Variants in DOK6 observed in about 807,000 individuals in gnomAD.
DOK6 encodes the protein downstream of tyrosine kinase 6.
In DOK6, 22 loss-of-function variants were observed where a neutral mutation model predicts 44.0. That is an observed-to-expected ratio of 0.50 (90% CI 0.36 to 0.71). DOK6 has a LOEUF of 0.71. Among genes scored for constraint, DOK6 ranks in the 30% least tolerant of loss-of-function variants. The pLI is 0.00. For missense variants in DOK6, 340 were observed against 416.4 expected (o/e 0.82, Z 1.60); for synonymous variants, 166 against 145.5 (o/e 1.14, Z -1.01).
chr18:69,769,861 T>C (rs1661496973), intron 7 of DOK6, among the ~76,000 whole-genome samples: 1 of 152,138 alleles, frequency 6.6e-6, no homozygotes, highest in Admixed American at 6.6e-5. Flanking sequence ...AGCCATTCAA[T>C]GTTCATTTAA....
At chr18:69,492,177 A>G (rs920579035) in intron 1 of DOK6, among the ~76,000 whole-genome samples, 1 of 152,182 alleles carries the variant, frequency 6.6e-6, no homozygotes, top group African/African-American at 2.4e-5. Context: ...ACTTATTGAA[A>G]ATATACGATA....
intron 7 of DOK6, among the ~76,000 whole-genome samples, chr18:69,780,160 C>T (rs997607326): frequency 2.0e-5 from 3 of 152,076 alleles, no homozygotes; most frequent in African/African-American, 7.2e-5. Context: ...AAGATAATTT[C>T]GGATTTTTCT....
In DOK6 at chr18:69,518,954, G is replaced by A. The variant is rs550898827; in HGVS notation, c.67-45533G>A. 1.7e-4 allele frequency among the ~76,000 whole-genome samples: 26 copies of A among 152,164 alleles called. No homozygotes were observed. The South Asian group carries it at 3.7e-3, about 22-fold the overall frequency. On this transcript the variant is annotated intron_variant, in intron 1 of 7. Transcript: ENST00000382713. The stretch of plus-strand genomic sequence containing the variant: ...TACATAAAGTTATTTTCTACTGGTA[G>A]CATCTTCCTTAGTCACTCTGTATTT...
chr18:69,639,189 G>A (rs1015224009), intron 3 of DOK6, among the ~76,000 whole-genome samples: 28 of 152,152 alleles, frequency 1.8e-4, no homozygotes, highest in South Asian at 2.1e-4. Context: ...AGTGTCCATC[G>A]CTCCAGTGAT....
intron 1 of DOK6, among the ~76,000 whole-genome samples, chr18:69,547,246 G>A (rs564887328): frequency 1.7e-4 from 25 of 151,266 alleles, no homozygotes; most frequent in African/African-American, 4.4e-4. Context: ...GATTACAGAC[G>A]CGCACCACCA....
intron 3 of DOK6, among the ~76,000 whole-genome samples, chr18:69,606,762 T>G (rs1984006681): frequency 6.8e-6 from 1 of 146,442 alleles, no homozygotes; most frequent in Admixed American, 6.9e-5. Context: ...AAAGGATTTT[T>G]TTTTTTTTTT....
intron 1 of DOK6, among the ~76,000 whole-genome samples, chr18:69,498,222 T>C (rs911692945): frequency 2.0e-5 from 3 of 152,068 alleles, no homozygotes; most frequent in African/African-American, 7.2e-5. Context: ...TTCCAATTAA[T>C]GAAATAAAAT....
intron 3 of DOK6, among the ~76,000 whole-genome samples, chr18:69,651,788 C>T (rs1241902053): frequency 6.6e-6 from 1 of 151,934 alleles, no homozygotes; most frequent in East Asian, 1.9e-4. Context: ...CGCCCAGCCC[C>T]ATCAGCCCCC....
chr18:69,789,323 T>C lies in DOK6; in HGVS notation c.856+31450T>C, dbSNP rs1048764545. ...ACTAAATACCTTTTATAGGACCTTT[T>C]ACTCTTATTTCATTCAGTTTGTTCT... On this transcript the variant is annotated intron_variant, in intron 7 of 7. Coordinates refer to ENST00000382713, the MANE Select transcript of DOK6 (RefSeq NM_152721.6). Among the ~76,000 whole-genome samples the C allele has an allele frequency of 2.0e-4, 30 of 152,310 alleles. 1 individual carries two copies. The highest frequency in any genetic ancestry group is 7.2e-4 in the African/African-American group (30 of 41,576).
At chr18:69,686,578 A>G (rs565320471) in intron 4 of DOK6, among the ~76,000 whole-genome samples, 80 of 152,320 alleles carry the variant, frequency 5.3e-4, no homozygotes, top group Non-Finnish European at 2.9e-5. Context: ...TAGGGGAGGA[A>G]GAAATGCCCT....
chr18:69,423,352 T>G (rs935621776), intron 1 of DOK6, among the ~76,000 whole-genome samples: 14 of 152,068 alleles, frequency 9.2e-5, no homozygotes, highest in African/African-American at 2.9e-4. Context: ...TGAAGACCCA[T>G]TTGAACCTTT....
chr18:69,835,229 G>A (rs529738204), intron 7 of DOK6, among the ~76,000 whole-genome samples: 8 of 152,220 alleles, frequency 5.3e-5, no homozygotes, highest in Admixed American at 3.3e-4. Flanking sequence ...TTGGGAGGCC[G>A]AGGTGGGTGG....
intron 3 of DOK6, chr18:69,662,754 G>A (rs1985561932): frequency 6.6e-6 from 1 of 152,188 alleles, no homozygotes; most frequent in African/African-American, 2.4e-5. Flanking sequence ...ATGAAACACT[G>A]TCCCATTGCC....
At chr18:69,571,851 G>T (rs546503562) in intron 2 of DOK6, among the ~76,000 whole-genome samples, 1 of 151,874 alleles carries the variant, frequency 6.6e-6, no homozygotes, top group South Asian at 2.1e-4. Context: ...TATCAGCAAG[G>T]ATATGAGATC....
intron 1 of DOK6, among the ~76,000 whole-genome samples, chr18:69,498,767 G>T (rs369259445): frequency 1.3e-5 from 2 of 152,138 alleles, no homozygotes; most frequent in East Asian, 3.8e-4. Flanking sequence ...ATGGAACAGG[G>T]CAAGGGCACT....
At chr18:69,703,918 C>T (rs1986576008) in intron 5 of DOK6, among the ~76,000 whole-genome samples, 1 of 152,128 alleles carries the variant, frequency 6.6e-6, no homozygotes, top group Non-Finnish European at 1.5e-5. Flanking sequence ...TTGATAGGAT[C>T]GGTGGCTTTA....
chr18:69,712,836 G>C (rs1986799677), intron 5 of DOK6, among the ~76,000 whole-genome samples: 1 of 152,196 alleles, frequency 6.6e-6, no homozygotes, highest in Non-Finnish European at 1.5e-5. Context: ...GACAGAGTGA[G>C]ACTCTGTTTC....
chr18:69,748,263 A>G (rs12954093), intron 6 of DOK6, among the ~76,000 whole-genome samples: 21,419 of 152,056 alleles, frequency 0.14, 1,577 homozygotes, highest in Middle Eastern at 0.23. Flanking sequence ...GAGACCTATA[A>G]AGAGACTTAG....
At position 69,544,255 on chromosome 18, in the gene DOK6, C is replaced by G. The variant is rs1982343445; in HGVS notation, c.67-20232C>G. ...CCTGGGTGACAGGGCAAGACTCCATCTCAGAAAAACAAAACAAAACAAAAA... is the reference window on the plus strand; with the variant it reads ...CCTGGGTGACAGGGCAAGACTCCATGTCAGAAAAACAAAACAAAACAAAAA... On this transcript the variant is annotated intron_variant, in intron 1 of 7. Transcript: ENST00000382713. 1.3e-5 allele frequency among the ~76,000 whole-genome samples: 2 copies of G among 151,406 alleles called. 1 individual carries two copies. The highest frequency in any genetic ancestry group is 4.2e-4 in the South Asian group (2 of 4,772).
Sources: gnomAD v4.1 joint callset for allele counts (sites outside exome capture counted in the v4.1 genomes callset) on GRCh38, gnomAD v4.1.1 for gene constraint, MANE v1.5 for transcripts, NCBI Gene and HGNC (gene_info 2026-07-23, HGNC 2026-07-21) for gene names.